Variants in EFHC2 observed in about 807,000 individuals in gnomAD.
EFHC2 encodes EF-hand domain containing 2.
In EFHC2, 18 loss-of-function variants were observed where a neutral mutation model predicts 52.7. The ratio of observed to expected loss-of-function variants is 0.34; its 90% CI spans 0.24 to 0.51. The LOEUF (loss-of-function observed/expected upper bound fraction) is 0.51, where lower values mean the gene tolerates loss of function less well. Ranked by LOEUF, EFHC2 falls within the 20% of genes least tolerant of loss-of-function variation. The pLI, the probability that EFHC2 is intolerant of heterozygous loss-of-function variation, is 0.97. For missense variants in EFHC2, 513 were observed against 562.5 expected (o/e 0.91, Z 0.89); for synonymous variants, 203 against 204.1 (o/e 0.99, Z 0.04).
At chrX:44,170,885 A>C (rs947705597) in intron 13 of EFHC2, among the ~76,000 whole-genome samples, 1 of 112,492 alleles carries the variant, frequency 8.9e-6, no homozygotes, top group Non-Finnish European at 1.9e-5. Context: ...TGTTGGAATC[A>C]GTGTGCAGCC....
At chrX:44,153,649 A>T (rs1049006520) in intron 14 of EFHC2, among the ~76,000 whole-genome samples, 2 of 111,577 alleles carry the variant, frequency 1.8e-5, no homozygotes, top group Non-Finnish European at 3.8e-5. Flanking sequence ...AGGGGCATCA[A>T]TTAAGTAGAG....
intron 11 of EFHC2, among the ~76,000 whole-genome samples, chrX:44,185,323 A>T (rs987838722): frequency 1.2e-4 from 14 of 112,007 alleles, no homozygotes; most frequent in African/African-American, 3.6e-4. Flanking sequence ...GCCTTCTTTT[A>T]TACAATGAAT....
chrX:44,152,941 T>C (rs974046659), intron 14 of EFHC2, among the ~76,000 whole-genome samples: 5 of 111,770 alleles, frequency 4.5e-5, no homozygotes, highest in Admixed American at 1.9e-4. Flanking sequence ...CATCCTCTAA[T>C]AGGTCTTCCA....
At chrX:44,289,785 G>A (rs1399265488) in intron 2 of EFHC2, among the ~76,000 whole-genome samples, 6 of 102,732 alleles carry the variant, frequency 5.8e-5, no homozygotes, top group South Asian at 4.8e-4. Context: ...AGGTTCAAGC[G>A]ATTCTCCTGC....
intron 2 of EFHC2, among the ~76,000 whole-genome samples, chrX:44,288,370 A>G (rs932906948): frequency 9.0e-6 from 1 of 110,807 alleles, no homozygotes; most frequent in African/African-American, 3.3e-5. Flanking sequence ...AAATTGTTCA[A>G]AGAATTAAAG....
Position 44,229,632 on chromosome X carries a change from A to T in EFHC2, c.1751+17T>A, listed in dbSNP as rs1399187018. 1.7e-6 allele frequency: 2 copies of T among 1,208,679 alleles called. No homozygotes were observed. Among genetic ancestry groups the T allele is most frequent in the Admixed American group, 2.2e-5 (1 of 45,672 alleles). ...CTTGAGGGGAAAACAGGTGATTGTT[A>T]GCAGAATATGGCTTACCTGAATGTA... On this transcript the variant is annotated intron_variant, in intron 11 of 14. Transcript: ENST00000420999.
chrX:44,169,649 C>T (rs1410586410), intron 13 of EFHC2, among the ~76,000 whole-genome samples: 1 of 108,901 alleles, frequency 9.2e-6, no homozygotes, highest in Non-Finnish European at 1.9e-5. Flanking sequence ...TTTCTCAGAA[C>T]CAAAGGACAG....
At chrX:44,295,569 T>C (rs58799659) in intron 2 of EFHC2, among the ~76,000 whole-genome samples, 2,766 of 111,048 alleles carry the variant, frequency 0.025, 79 homozygotes, top group African/African-American at 0.085. Context: ...GTTAACTCTG[T>C]AGCAGAGTGG....
At chrX:44,222,486 A>G (rs2037201514) in intron 11 of EFHC2, among the ~76,000 whole-genome samples, 1 of 112,206 alleles carries the variant, frequency 8.9e-6, no homozygotes, top group African/African-American at 3.2e-5. Flanking sequence ...TTTTAATCCA[A>G]TACCTTCATT....
intron 1 of EFHC2, among the ~76,000 whole-genome samples, chrX:44,329,125 G>A (rs2038070582): frequency 9.0e-6 from 1 of 111,543 alleles, no homozygotes; most frequent in African/African-American, 3.3e-5. Flanking sequence ...GCTTCTTTAA[G>A]CCTCTATTAG....
At chrX:44,153,835 T>C (rs2036587653) in intron 14 of EFHC2, among the ~76,000 whole-genome samples, 1 of 112,663 alleles carries the variant, frequency 8.9e-6, no homozygotes, top group African/African-American at 3.2e-5. Flanking sequence ...AGAATCTTTA[T>C]GAAAATCTGG....
intron 1 of EFHC2, among the ~76,000 whole-genome samples, chrX:44,317,906 C>T (rs979776927): frequency 3.5e-5 from 4 of 112,791 alleles, no homozygotes; most frequent in Non-Finnish European, 7.5e-5. Context: ...GACATTGGAA[C>T]TGTCACACCT....
At chrX:44,300,988 T>C (rs1450941477) in intron 2 of EFHC2, among the ~76,000 whole-genome samples, 2 of 108,175 alleles carry the variant, frequency 1.8e-5, no homozygotes, top group Non-Finnish European at 1.9e-5. Context: ...CACACGCCTG[T>C]AGTCCCAGCT....
Position 44,192,358 on chromosome X carries a change from G to A in EFHC2, c.1752-13794C>T, listed in dbSNP as rs777335851. Among the ~76,000 whole-genome samples the A allele has an allele frequency of 3.6e-5, 4 of 111,694 alleles. No homozygotes were observed. In the East Asian group the frequency reaches 1.1e-3, roughly 31 times the overall value. On this transcript the variant is annotated intron_variant, in intron 11 of 14. Coordinates refer to ENST00000420999, the MANE Select transcript of EFHC2 (RefSeq NM_025184.4). Reference sequence around the variant, plus strand: ...CCACTGCCTCTGTGTATTGCCTGAGGTCATATCTTTTTGGGTTTTAGGGCA... The same window carrying A: ...CCACTGCCTCTGTGTATTGCCTGAGATCATATCTTTTTGGGTTTTAGGGCA...
intron 1 of EFHC2, among the ~76,000 whole-genome samples, chrX:44,339,206 G>T (rs867808093): frequency 1.3e-5 from 1 of 76,127 alleles, no homozygotes; most frequent in African/African-American, 6.1e-5. Flanking sequence ...AAAAAAAGCA[G>T]AAAGAGTGAG....
intron 1 of EFHC2, among the ~76,000 whole-genome samples, chrX:44,327,117 C>T (rs992421893): frequency 9.0e-6 from 1 of 111,717 alleles, no homozygotes; most frequent in Admixed American, 9.6e-5. Flanking sequence ...GCAAACCCAA[C>T]ACCTGAGCCC....
At chrX:44,152,244 G>C (rs1384402631) in intron 14 of EFHC2, among the ~76,000 whole-genome samples, 1 of 111,452 alleles carries the variant, frequency 9.0e-6, no homozygotes, top group Non-Finnish European at 1.9e-5. Context: ...TACGAGATAA[G>C]TATTATGATG....
intron 11 of EFHC2, among the ~76,000 whole-genome samples, chrX:44,210,558 A>G (rs1180361760): frequency 1.8e-5 from 2 of 112,564 alleles, no homozygotes; most frequent in Non-Finnish European, 3.7e-5. Context: ...TCAACAAGGC[A>G]ATTCAGTGGA....
rs775743488 is a variant in EFHC2, at chrX:44,203,839, C to T, written c.1752-25275G>A. Among the ~76,000 whole-genome samples, 319 of 111,111 alleles carry T rather than the reference C, an allele frequency of 2.9e-3. 1 individual carries two copies. The highest frequency in any genetic ancestry group is 1.0e-2 in the African/African-American group (305 of 30,518). On this transcript the variant is annotated intron_variant, in intron 11 of 14. Transcript: ENST00000420999. Reference sequence around the variant, plus strand: ...CTCCTGGCCTCAAGTAATTCTCCTACCTTGGCCTCCTAAAATATGGGATTA... The same window carrying T: ...CTCCTGGCCTCAAGTAATTCTCCTATCTTGGCCTCCTAAAATATGGGATTA...
Sources: allele counts gnomAD v4.1 joint callset (sites outside exome capture counted in the v4.1 genomes callset), GRCh38; gene constraint gnomAD v4.1.1; transcripts MANE v1.5; gene names NCBI Gene and HGNC (gene_info 2026-07-23, HGNC 2026-07-21).